PPL: variants seen among roughly 807,000 people sequenced by gnomAD.
PPL encodes the protein 190 kDa paraneoplastic pemphigus antigen.
Under a neutral mutation model 194.4 loss-of-function variants are expected in PPL, and 198 were observed. The observed-to-expected ratio is 1.02, with a 90% CI of 0.91 to 1.15. The LOEUF (loss-of-function observed/expected upper bound fraction) is 1.15. Ranked by LOEUF, PPL falls within the 50% of genes most tolerant of loss-of-function variation. PPL has a pLI of 0.00. For synonymous variants in PPL, 1,220 were observed against 972.4 expected, an observed-to-expected ratio of 1.25 and a Z score of -4.74; for missense variants, 2,885 against 2,294.8, an observed-to-expected ratio of 1.26 and a Z score of -5.25.
chr16:4,925,150 G>C (rs1003094429), intron 1 of PPL, among the ~76,000 whole-genome samples: 11 of 152,312 alleles, frequency 7.2e-5, no homozygotes, highest in Non-Finnish European at 1.3e-4. Flanking sequence ...ACCCCTCCCT[G>C]GAACCAGCCT....
intron 2 of PPL, among the ~76,000 whole-genome samples, chr16:4,907,665 G>T (rs1007724774): frequency 3.9e-5 from 6 of 152,062 alleles, no homozygotes; most frequent in Non-Finnish European, 7.4e-5. Flanking sequence ...TGTATGAAAT[G>T]CCACTGACTT....
At chr16:4,901,993 A>C (rs1825082030) in intron 4 of PPL, among the ~76,000 whole-genome samples, 1 of 151,852 alleles carries the variant, frequency 6.6e-6, no homozygotes, top group South Asian at 2.1e-4. Flanking sequence ...TGGGGAAGCT[A>C]AGGCTTGAAC....
chr16:4,920,176 T>C (rs976001693), intron 1 of PPL, among the ~76,000 whole-genome samples: 1 of 151,388 alleles, frequency 6.6e-6, no homozygotes, highest in Non-Finnish European at 1.5e-5. Flanking sequence ...CCCAGCTACT[T>C]GGGAGGCCGA....
rs140900138 is a variant in PPL at position 4,883,925 on chromosome 16, A to G, written c.4730T>C (p.Leu1577Pro). The change falls in exon 22 of 22, where the codon CTG (leucine) becomes CCG (proline). Residue 1577 changes from leucine to proline, a missense_variant. Coordinates refer to ENST00000345988, the MANE Select transcript of PPL (RefSeq NM_002705.5). This position sits in a 1 kb window ranked among gnomAD's most constrained non-coding sequence, Gnocchi z 4.8. ...KLQLERQNLQ[L>P]ETRRLQSEIN... ...TTCCGATTGGAGCCTTCGGGTCTCC[A>G]GCTGCAGGTTTTGCCTCTCCAGCTG... 127 of 1,613,874 alleles carry G rather than the reference A, an allele frequency of 7.9e-5. No homozygotes were observed. Among genetic ancestry groups the G allele is most frequent in the African/African-American group, 3.1e-4 (23 of 74,930 alleles).
chr16:4,917,953 T>A (rs538709759), intron 1 of PPL, among the ~76,000 whole-genome samples: 2 of 149,080 alleles, frequency 1.3e-5, no homozygotes, highest in South Asian at 4.2e-4. Context: ...GTGAACTGGA[T>A]GATATATGAA....
chr16:4,919,943 C>G (rs1409423368), intron 1 of PPL, among the ~76,000 whole-genome samples: 2 of 151,432 alleles, frequency 1.3e-5, no homozygotes, highest in African/African-American at 4.9e-5. Flanking sequence ...AAATTAAAAC[C>G]AAAAAAAGTG....
rs2088135753 is a variant in PPL, at chr16:4,883,316, C to T, written c.*68G>A. The T allele has an allele frequency of 1.1e-5, 17 of 1,600,334 alleles. No individual in the cohort carries two copies. Among genetic ancestry groups the T allele is most frequent in the Non-Finnish European group, 1.4e-5 (16 of 1,177,022 alleles). ...CACCAGGGCAAGGGAGAGGACGACA[C>T]CAAGGAGGTCACTGCGTCGTAGGAG... On this transcript the variant is annotated 3_prime_UTR_variant, in exon 22 of 22. Coordinates refer to ENST00000345988, the MANE Select transcript of PPL (RefSeq NM_002705.5). The surrounding 1 kb of genome is among the most constrained non-coding windows in gnomAD (Gnocchi z 4.8).
At chr16:4,914,169 G>C (rs563958169) in intron 1 of PPL, among the ~76,000 whole-genome samples, 1 of 152,206 alleles carries the variant, frequency 6.6e-6, no homozygotes, top group Admixed American at 6.5e-5. Context: ...ACGTCCCGTG[G>C]GGTGGGCCAG....
intron 4 of PPL, 85 bp from the exon 5 acceptor site, chr16:4,901,174 G>T: frequency 7.0e-7 from 1 of 1,433,070 alleles, no homozygotes; most frequent in Non-Finnish European, 9.5e-7. Flanking sequence ...TCGGGGGTGG[G>T]CATGATGGTG....
intron 1 of PPL, among the ~76,000 whole-genome samples, chr16:4,917,987 A>G (rs906188266): frequency 6.1e-5 from 6 of 98,442 alleles, no homozygotes. Context: ...AAGCTGCTAC[A>G]AAAAAAAAAA....
chr16:4,906,209 G>A (rs549079057), intron 2 of PPL, among the ~76,000 whole-genome samples: 20 of 152,078 alleles, frequency 1.3e-4, no homozygotes, highest in Non-Finnish European at 2.6e-4. Context: ...GACTTGGAGT[G>A]GAATTTTTAA....
chr16:4,884,212 C>G lies in PPL; in HGVS notation c.4443G>C (p.Glu1481Asp). ...HRRQLLEGEL[E>D]TLRRKLAALE... is the part of the protein sequence containing the mutation. ...GTGCAGCCAGTTTCCTCCGGAGGGTCTCGAGCTCCCCCTCCAGGAGCTGCC... is the reference window on the plus strand; with the variant it reads ...GTGCAGCCAGTTTCCTCCGGAGGGTGTCGAGCTCCCCCTCCAGGAGCTGCC... Residue 1481 changes from glutamate to aspartate, a missense_variant, in exon 22 of 22, where the codon GAG (glutamate) becomes GAC (aspartate). Glu to Asp is a conservative substitution (Grantham distance 45, BLOSUM62 2). Coordinates refer to ENST00000345988, the MANE Select transcript of PPL (RefSeq NM_002705.5). The surrounding 1 kb of genome is among the most constrained non-coding windows in gnomAD (Gnocchi z 5.7). 5 of 1,613,898 alleles carry G rather than the reference C, an allele frequency of 3.1e-6. No individual in the cohort carries two copies. Among genetic ancestry groups the G allele is most frequent in the Non-Finnish European group, 4.2e-6 (5 of 1,180,000 alleles).
intron 1 of PPL, among the ~76,000 whole-genome samples, chr16:4,935,123 G>T (rs1012826729): frequency 2.6e-5 from 4 of 152,176 alleles, no homozygotes; most frequent in Non-Finnish European, 4.4e-5. Flanking sequence ...ACAGAGAGTG[G>T]CAGGACCCCA....
At chr16:4,894,695 C>A in intron 11 of PPL, 77 bp from the exon 12 acceptor site, 2 of 1,536,422 alleles carry the variant, frequency 1.3e-6, no homozygotes, top group Middle Eastern at 2.4e-4. Context: ...TCTCAGCCCC[C>A]GACTCTTGGA....
rs568546989 is a variant in PPL, at chr16:4,884,407, G to A, written c.4248C>T (p.Ala1416=). 28 of 1,607,314 alleles carry A rather than the reference G, an allele frequency of 1.7e-5. No homozygotes were observed. The African/African-American group carries it at 2.5e-4, about 15-fold the overall frequency. Residue 1416 remains alanine (A), a synonymous_variant, in exon 22 of 22, where the codon GCC becomes GCT. Transcript: ENST00000345988. The surrounding 1 kb of genome is among the most constrained non-coding windows in gnomAD (Gnocchi z 5.7). ...GCTGCAACCGCTGTACCTCGCGCTC[G>A]GCCTCCCTGCGGGCCTGCCGCTCGC... The part of the protein sequence containing the change: ...LERERQARRE[A]EREVQRLQQR...
rs760355054 is a variant in PPL at position 4,890,876 on chromosome 16, C to G, written c.2014G>C (p.Val672Leu). Residue 672 changes from valine to leucine, a missense_variant, in exon 17 of 22, where the codon GTG becomes CTG. Physicochemically the swap from Val to Leu is conservative, Grantham distance 32. Transcript: ENST00000345988. ...TTGGCCGCCTGCAAGTTCTGCTCCA[C>G]CTCACCCAGGAGGGACTTCTGGGCC... ...LQAQKSLLGE[V>L]EQNLQAAKQC... 2.6e-6 allele frequency: 4 copies of G among 1,548,056 alleles called. No individual in the cohort carries two copies. The highest frequency in any genetic ancestry group is 3.5e-6 in the Non-Finnish European group (4 of 1,143,392).
At chr16:4,891,251 G>T (rs888480938) in intron 16 of PPL, among the ~76,000 whole-genome samples, 1 of 152,148 alleles carries the variant, frequency 6.6e-6, no homozygotes, top group Non-Finnish European at 1.5e-5. Flanking sequence ...GGGGCCTCAG[G>T]TCACAGACTT....
intron 5 of PPL, 27 bp from the exon 6 acceptor site, chr16:4,900,898 C>T: frequency 1.2e-6 from 2 of 1,614,094 alleles, no homozygotes; most frequent in South Asian, 1.1e-5. Flanking sequence ...GGGCATGGGT[C>T]AGGGCCAGGA....
intron 1 of PPL, among the ~76,000 whole-genome samples, chr16:4,930,089 T>A (rs1187499375): frequency 6.6e-6 from 1 of 152,232 alleles, no homozygotes; most frequent in Non-Finnish European, 1.5e-5. Flanking sequence ...CATCTTTGCA[T>A]CCTTCATCAA....
Sources: gnomAD v4.1 joint callset for allele counts (sites outside exome capture counted in the v4.1 genomes callset) on GRCh38, gnomAD v4.1.1 for gene constraint, Gnocchi (gnomAD v3.1) non-coding constraint, MANE v1.5 for transcripts, NCBI Gene and HGNC (gene_info 2026-07-23, HGNC 2026-07-21) for gene names.